The following TIAM1 variants were observed in gnomAD, a reference collection of about 807,000 sequenced individuals.
The protein encoded by TIAM1 is rho guanine nucleotide exchange factor TIAM1.
TIAM1 carries 65 observed loss-of-function variants against 163.5 expected under a neutral mutation model. The ratio of observed to expected loss-of-function variants is 0.40; its 90% confidence interval spans 0.33 to 0.49. The LOEUF (loss-of-function observed/expected upper bound fraction) is 0.49. TIAM1 is among the 20% of genes least tolerant of loss of function. The probability of loss-of-function intolerance (pLI) is 0.77; values close to 1 mark genes in which losing one functional copy is unlikely to be tolerated. For missense variants in TIAM1, 1,789 were observed against 2,044.7 expected, an observed-to-expected ratio of 0.87 and a Z score of 2.41; for synonymous variants, 833 against 810.1, an observed-to-expected ratio of 1.03 and a Z score of -0.48.
At chr21:31,329,610 G>T (rs1368849343) in intron 2 of TIAM1, among the ~76,000 whole-genome samples, 1 of 152,188 alleles carries the variant, frequency 6.6e-6, no homozygotes, top group Non-Finnish European at 1.5e-5. Flanking sequence ...CCACAGCGCA[G>T]CACATGGCCA....
intron 2 of TIAM1, among the ~76,000 whole-genome samples, chr21:31,352,256 T>C (rs145143645): frequency 0.021 from 3,142 of 152,278 alleles, 61 homozygotes; most frequent in Middle Eastern, 0.048. Context: ...CATTTAAATA[T>C]TGAAGTTCTG....
chr21:31,148,961 TC>T (rs35065300), intron 19 of TIAM1, among the ~76,000 whole-genome samples: 97,762 of 150,682 alleles, frequency 0.65, 32,024 homozygotes, highest in Admixed American at 0.7. Flanking sequence ...TTTTTCTTTT[TC>T]TTTTTTTTTT....
rs559200700 is a variant in TIAM1, at chr21:31,417,171, C to T, written c.-369+46812G>A. ...CCAAGTAGCTGGGACTACAGGCATG[C>T]GCCACCACGTCTGGCTAATTTTTTG... On this transcript the variant is annotated intron_variant, in intron 2 of 28. Coordinates refer to the TIAM1 transcript ENST00000286827. Among the ~76,000 whole-genome samples the T allele has an allele frequency of 4.5e-4, 68 of 152,216 alleles. 2 individuals are homozygous for T. In the East Asian group the frequency reaches 9.3e-3, roughly 21 times the overall value.
rs76205973 is a variant in TIAM1 at position 31,457,855 on chromosome 21, G to C, written c.-369+6128C>G. 4.1e-3 allele frequency among the ~76,000 whole-genome samples: 621 copies of C among 152,320 alleles called. 5 individuals carry two copies. The highest frequency in any genetic ancestry group is 0.014 in the African/African-American group (581 of 41,574). ...GGGGACATTTTGGTTGTCCCAGCTA[G>C]GAAGGTGTCCTGACCTCTACTGGGC... On this transcript the variant is annotated intron_variant, in intron 2 of 28. Coordinates refer to the TIAM1 transcript ENST00000286827.
At chr21:31,438,892 C>A (rs1215259983) in intron 2 of TIAM1, among the ~76,000 whole-genome samples, 2 of 152,182 alleles carry the variant, frequency 1.3e-5, no homozygotes, top group South Asian at 4.1e-4. Flanking sequence ...CTAGACATTG[C>A]CAACTGTCTA....
intron 1 of TIAM1, among the ~76,000 whole-genome samples, chr21:31,489,445 G>C: frequency 7.2e-6 from 1 of 138,242 alleles, no homozygotes; most frequent in Non-Finnish European, 1.5e-5. Context: ...GAAGCAGGAG[G>C]AGAAGAAAGA....
At chr21:31,491,295 A>G (rs1331075730) in intron 1 of TIAM1, among the ~76,000 whole-genome samples, 3 of 152,236 alleles carry the variant, frequency 2.0e-5, no homozygotes, top group Non-Finnish European at 4.4e-5. Context: ...CATGTGAGAT[A>G]CTAAACCCCA....
intron 2 of TIAM1, among the ~76,000 whole-genome samples, chr21:31,406,193 A>G (rs2077244963): frequency 6.6e-6 from 1 of 151,892 alleles, no homozygotes; most frequent in African/African-American, 2.4e-5. Context: ...AAAAAAAAAA[A>G]AATCACTCCT....
At chr21:31,501,305 C>T (rs1203075859) in intron 1 of TIAM1, among the ~76,000 whole-genome samples, 2 of 152,032 alleles carry the variant, frequency 1.3e-5, no homozygotes, top group Admixed American at 6.6e-5. Flanking sequence ...GGTGAAGAAC[C>T]GGGGTGCTGG....
chr21:31,398,158 CAAAAAAAAAAA>C (rs34895602), intron 2 of TIAM1, among the ~76,000 whole-genome samples: 4 of 52,518 alleles, frequency 7.6e-5, no homozygotes, highest in African/African-American at 1.3e-4. Flanking sequence ...ATCTTCAGGG[CAAAAAAAAAAA>C]AAAAAAAAAA....
At chr21:31,501,647 G>C (rs1173686192) in intron 1 of TIAM1, among the ~76,000 whole-genome samples, 1 of 152,292 alleles carries the variant, frequency 6.6e-6, no homozygotes, top group Non-Finnish European at 1.5e-5. Flanking sequence ...CTGTTGCCCA[G>C]GCTGGAGTGC....
At chr21:31,546,703 A>G (rs147775924) in intron 1 of TIAM1, among the ~76,000 whole-genome samples, 2 of 152,344 alleles carry the variant, frequency 1.3e-5, no homozygotes, top group Admixed American at 1.3e-4. Context: ...GAAAAAATTC[A>G]AGGATATGCA....
chr21:31,183,676 T>G (rs2085140869), intron 14 of TIAM1, among the ~76,000 whole-genome samples: 1 of 152,056 alleles, frequency 6.6e-6, no homozygotes, highest in African/African-American at 2.4e-5. Flanking sequence ...CTTATTCAGG[T>G]TTCTAAAATA....
chr21:31,491,139 A>C (rs140777136), intron 1 of TIAM1, among the ~76,000 whole-genome samples: 22 of 146,500 alleles, frequency 1.5e-4, no homozygotes, highest in South Asian at 1.1e-3. Context: ...AAAGAAAGAA[A>C]GAACGAAAGA....
Position 31,226,908 on chromosome 21 carries a change from G to C in TIAM1, c.1585-958C>G, listed in dbSNP as rs186949761. ...TTTTCTCCTTTGAAGCGCCTTCTTA[G>C]TTTTCTAACTAATTTGAGTGATGGC... On this transcript the variant is annotated intron_variant, in intron 6 of 27. Transcript: ENST00000541036. 2.0e-3 allele frequency among the ~76,000 whole-genome samples: 282 copies of C among 144,454 alleles called. 2 individuals carry two copies. The highest frequency in any genetic ancestry group is 3.6e-3 in the Non-Finnish European group (241 of 66,050). The allele number at this position is 144,454 out of a possible 152,430, so 94.8% of individuals were successfully genotyped here. A position where few individuals can be genotyped will look rare whatever the true frequency, so the allele number is the denominator to read the frequency against.
At chr21:31,210,667 A>AAG (rs766512313) in intron 10 of TIAM1, among the ~76,000 whole-genome samples, 32 of 20,954 alleles carry the variant, frequency 1.5e-3, no homozygotes, top group African/African-American at 3.6e-3. Context: ...GAAAGAAAGA[A>AAG]AAAGAAAGAA....
At chr21:31,378,896 T>C (rs979458925) in intron 2 of TIAM1, among the ~76,000 whole-genome samples, 41 of 152,248 alleles carry the variant, frequency 2.7e-4, no homozygotes, top group Non-Finnish European at 5.1e-4. Flanking sequence ...GTATTATAAG[T>C]AATCTAGAGA....
chr21:31,213,757 G>C (rs1243024181), intron 9 of TIAM1, among the ~76,000 whole-genome samples: 2 of 151,444 alleles, frequency 1.3e-5, no homozygotes, highest in African/African-American at 4.9e-5. Flanking sequence ...GGCTGGGCAT[G>C]GTGGCTCATG....
chr21:31,168,695 A>G (rs59872856), intron 15 of TIAM1, among the ~76,000 whole-genome samples: 9,638 of 152,222 alleles, frequency 0.063, 1,074 homozygotes, highest in African/African-American at 0.22. Context: ...CCACTGTGCC[A>G]GGCCCCCTGA....
Sources: gnomAD v4.1 joint callset for allele counts (sites outside exome capture counted in the v4.1 genomes callset) on GRCh38, gnomAD v4.1.1 for gene constraint, MANE v1.5 for transcripts, NCBI Gene and HGNC (gene_info 2026-07-23, HGNC 2026-07-21) for gene names.